CNTNAP3B: variants seen among roughly 807,000 people sequenced by gnomAD.
The protein encoded by CNTNAP3B is contactin associated protein family member 3B, also known as contactin-associated protein-like 3B.
A neutral mutation model predicts 108.9 loss-of-function variants in CNTNAP3B; 25 were observed. The ratio of observed to expected loss-of-function variants is 0.23; its 90% confidence interval spans 0.17 to 0.32. The LOEUF (loss-of-function observed/expected upper bound fraction) is 0.32. Among genes scored for constraint, CNTNAP3B ranks in the 10% least tolerant of loss-of-function variants. The probability of loss-of-function intolerance (pLI) is 1.00; values close to 1 mark genes in which losing one functional copy is unlikely to be tolerated. For missense variants in CNTNAP3B, 252 were observed against 1,210.4 expected (o/e 0.21, Z 11.75); for synonymous variants, 103 against 473.4 (o/e 0.22, Z 10.16).
intron 4 of CNTNAP3B, among the ~76,000 whole-genome samples, chr9:42,012,684 T>C (rs1346849326): frequency 8.1e-6 from 1 of 123,252 alleles, no homozygotes; most frequent in African/African-American, 3.3e-5. Context: ...TTTATTCCAT[T>C]TTGACAATAA....
chr9:41,964,115 T>C (rs1191324024), intron 11 of CNTNAP3B, among the ~76,000 whole-genome samples: 2 of 152,304 alleles, frequency 1.3e-5, no homozygotes, highest in African/African-American at 4.8e-5. Flanking sequence ...AAAAAATCTT[T>C]AAATACCTTA....
intron 13 of CNTNAP3B, among the ~76,000 whole-genome samples, chr9:41,943,543 G>T (rs1382540479): frequency 1.9e-4 from 29 of 151,816 alleles, no homozygotes; most frequent in Non-Finnish European, 1.0e-4. Context: ...TAGTAGAGAC[G>T]TGGTTTCCCC....
At chr9:41,938,510 G>C (rs1302652457) in intron 13 of CNTNAP3B, 110 bp from the exon 14 acceptor site, 1 of 1,518,644 alleles carries the variant, frequency 6.6e-7, no homozygotes, top group Middle Eastern at 2.1e-4. Context: ...GAGGCAGAGA[G>C]AGAGAAAATG....
At chr9:41,995,730 CA>C (rs1167589988) in intron 7 of CNTNAP3B, among the ~76,000 whole-genome samples, 30,076 of 66,420 alleles carry the variant, frequency 0.45, 5,483 homozygotes, top group East Asian at 0.65. Context: ...GACTCCGTCT[CA>C]AAAAAAAAAA....
chr9:41,963,430 G>C (rs1446629909), intron 11 of CNTNAP3B, among the ~76,000 whole-genome samples: 3 of 150,442 alleles, frequency 2.0e-5, no homozygotes, highest in African/African-American at 7.4e-5. Context: ...AATTATAACA[G>C]GTTAGAGTTC....
chr9:41,962,816 G>A (rs549463816), intron 11 of CNTNAP3B, among the ~76,000 whole-genome samples: 21 of 152,274 alleles, frequency 1.4e-4, no homozygotes, highest in East Asian at 5.8e-4. Context: ...TTAGCCAGGC[G>A]TGGTGGCGGG....
chr9:42,063,768 C>T (rs992567085), intron 3 of CNTNAP3B, among the ~76,000 whole-genome samples: 1 of 142,240 alleles, frequency 7.0e-6, no homozygotes, highest in Admixed American at 7.0e-5. Context: ...ATTAGCCAGG[C>T]TGGAGTGCAA....
rs1827066852 is a variant in CNTNAP3B, at chr9:42,056,316, T to C, written c.390+20553A>G. On this transcript the variant is annotated intron_variant, in intron 3 of 23. Transcript: ENST00000377561. ...AACTTATAAACAAGGTTGAATATTA[T>C]CTCATGAATTTTATTATTATTATTA... 1.6e-5 allele frequency among the ~76,000 whole-genome samples: 2 copies of C among 122,732 alleles called. 1 individual carries two copies. The highest frequency in any genetic ancestry group is 7.0e-5 in the African/African-American group (2 of 28,756). The allele number at this position is 122,732 out of a possible 152,430, so 80.5% of individuals were successfully genotyped here.
intron 14 of CNTNAP3B, among the ~76,000 whole-genome samples, chr9:41,934,820 T>C (rs2118035677): frequency 6.6e-6 from 1 of 152,392 alleles, no homozygotes; most frequent in East Asian, 1.9e-4. Flanking sequence ...ATGAACAGAG[T>C]TTACTCGTAT....
At chr9:41,937,324 G>A (rs1463478124) in intron 14 of CNTNAP3B, among the ~76,000 whole-genome samples, 9 of 151,964 alleles carry the variant, frequency 5.9e-5, no homozygotes, top group South Asian at 2.1e-4. Flanking sequence ...ACGGGGTTTC[G>A]CCACATTGGC....
At chr9:42,058,344 ATCC>A (rs1827118082) in intron 3 of CNTNAP3B, among the ~76,000 whole-genome samples, 1 of 152,026 alleles carries the variant, frequency 6.6e-6, no homozygotes, top group Non-Finnish European at 1.5e-5. Flanking sequence ...GTATACAGGG[ATCC>A]TCTTTTCTTC....
At chr9:41,926,038 A>T (rs1377659028) in intron 15 of CNTNAP3B, among the ~76,000 whole-genome samples, 6 of 152,288 alleles carry the variant, frequency 3.9e-5, no homozygotes, top group Admixed American at 1.3e-4. Flanking sequence ...TCTCACACAC[A>T]CATACACACA....
chr9:41,952,452 T>A (rs1824717229), intron 13 of CNTNAP3B, among the ~76,000 whole-genome samples: 1 of 152,218 alleles, frequency 6.6e-6, no homozygotes, highest in Non-Finnish European at 1.5e-5. Context: ...TAACTATAAT[T>A]AGCAATAAAG....
At position 41,932,490 on chromosome 9, in the gene CNTNAP3B, GTTGAGTCAAC is replaced by G. The variant is rs1824006689; in HGVS notation, c.2238-3056_2238-3047del. On this transcript the variant is annotated intron_variant, in intron 14 of 23. Transcript: ENST00000377561. ...GCAAAGAAAGCTAAAAGGGAGAAAT[GTTGAGTCAAC>G]TTTTTAACTTTTTTTTCTTCTTTTT... 2.1e-5 allele frequency among the ~76,000 whole-genome samples: 3 copies of G among 143,310 alleles called. No individual in the cohort carries two copies. In the South Asian group the frequency reaches 6.6e-4, roughly 32 times the overall value. The allele number at this position is 143,310 out of a possible 152,430, so 94.0% of individuals were successfully genotyped here. A position where few individuals can be genotyped will look rare whatever the true frequency, so the allele number is the denominator to read the frequency against.
At chr9:42,106,513 T>C (rs147162178) in intron 1 of CNTNAP3B, among the ~76,000 whole-genome samples, 1,588 of 125,028 alleles carry the variant, frequency 0.013, 116 homozygotes, top group Middle Eastern at 0.03. Context: ...TTGCTTTCTC[T>C]ACACTTTCCT....
intron 2 of CNTNAP3B, among the ~76,000 whole-genome samples, chr9:42,103,263 C>G (rs1828032345): frequency 6.8e-6 from 1 of 147,986 alleles, no homozygotes; most frequent in Non-Finnish European, 1.5e-5. Flanking sequence ...AAATCACAGA[C>G]TTAAGAAAAA....
chr9:41,937,108 TATTAA>T (rs1308979831), intron 14 of CNTNAP3B, among the ~76,000 whole-genome samples: 8 of 64,508 alleles, frequency 1.2e-4, no homozygotes, highest in African/African-American at 2.0e-4. Flanking sequence ...ATTTTTTATT[TATTAA>T]TTTATTATTA....
chr9:42,116,786 G>T (rs574846680), intron 1 of CNTNAP3B, among the ~76,000 whole-genome samples: 1 of 138,616 alleles, frequency 7.2e-6, no homozygotes, highest in African/African-American at 2.9e-5. Flanking sequence ...CCCTGCTCAC[G>T]TGCAGAGACA....
chr9:41,977,508 TTGTC>T (rs1298826739), intron 9 of CNTNAP3B, among the ~76,000 whole-genome samples: 2 of 142,170 alleles, frequency 1.4e-5, no homozygotes, highest in African/African-American at 5.5e-5. Context: ...CAGATTGACA[TTGTC>T]TGTTTTCACA....
Sources: allele counts gnomAD v4.1 joint callset (sites outside exome capture counted in the v4.1 genomes callset), GRCh38; gene constraint gnomAD v4.1.1; transcripts MANE v1.5; gene names NCBI Gene and HGNC (gene_info 2026-07-23, HGNC 2026-07-21).